ATXN7L1: variants seen among roughly 807,000 people sequenced by gnomAD.
ATXN7L1 encodes ataxin 7 like 1, also known as ataxin-7-like protein 1.
In ATXN7L1, 15 loss-of-function variants were observed where a neutral mutation model predicts 70.8. The ratio of observed to expected loss-of-function variants is 0.21; its 90% CI spans 0.14 to 0.33. ATXN7L1 has a LOEUF of 0.33. ATXN7L1 is among the 10% of genes least tolerant of loss of function. The probability of loss-of-function intolerance (pLI) is 1.00; values close to 1 mark genes in which losing one functional copy is unlikely to be tolerated. For missense variants in ATXN7L1, 975 were observed against 1,097.1 expected (o/e 0.89, Z 1.57); for synonymous variants, 440 against 445.1 (o/e 0.99, Z 0.14).
chr7:105,724,804 C>A (rs1316153169), intron 3 of ATXN7L1, among the ~76,000 whole-genome samples: 2 of 131,754 alleles, frequency 1.5e-5, no homozygotes, highest in African/African-American at 5.6e-5. Context: ...TGGTTCTAAA[C>A]CTTCTCTTAT....
chr7:105,875,545 G>A (rs190987060), intron 2 of ATXN7L1, among the ~76,000 whole-genome samples: 50 of 151,756 alleles, frequency 3.3e-4, no homozygotes, highest in African/African-American at 1.2e-3. Context: ...AAGGAGAATG[G>A]CAGATATGCA....
intron 5 of ATXN7L1, among the ~76,000 whole-genome samples, chr7:105,640,935 C>T (rs1798080842): frequency 6.6e-6 from 1 of 152,206 alleles, no homozygotes; most frequent in Admixed American, 6.5e-5. Flanking sequence ...CCTTAAGACC[C>T]TTGAATGGCT....
intron 2 of ATXN7L1, among the ~76,000 whole-genome samples, chr7:105,841,721 A>AT (rs1250816211): frequency 6.6e-6 from 1 of 152,148 alleles, no homozygotes; most frequent in African/African-American, 2.4e-5. Flanking sequence ...TAATTGTTCC[A>AT]TTTTGTTACT....
At chr7:105,798,159 G>A (rs1308741261) in intron 2 of ATXN7L1, among the ~76,000 whole-genome samples, 1 of 152,194 alleles carries the variant, frequency 6.6e-6, no homozygotes, top group African/African-American at 2.4e-5. Context: ...CATGATCCAG[G>A]TGAGCCGTCA....
At chr7:105,735,189 A>G (rs533100977) in intron 3 of ATXN7L1, among the ~76,000 whole-genome samples, 1 of 152,158 alleles carries the variant, frequency 6.6e-6, no homozygotes. Context: ...TAATAACAAC[A>G]TCTACAATAA....
chr7:105,686,315 A>G (rs1806181019), intron 3 of ATXN7L1, among the ~76,000 whole-genome samples: 1 of 152,216 alleles, frequency 6.6e-6, no homozygotes, highest in Admixed American at 6.5e-5. Context: ...CAGGAGTTCA[A>G]GACCAGCCTG....
intron 2 of ATXN7L1, among the ~76,000 whole-genome samples, chr7:105,836,951 G>T (rs529281605): frequency 1.3e-5 from 2 of 152,174 alleles, no homozygotes; most frequent in South Asian, 4.1e-4. Context: ...CCAGCTACTC[G>T]GGAGGCTGAG....
chr7:105,862,679 C>T (rs1420992482), intron 2 of ATXN7L1, among the ~76,000 whole-genome samples: 2 of 152,164 alleles, frequency 1.3e-5, no homozygotes, highest in African/African-American at 4.8e-5. Flanking sequence ...GAGGAAAGGA[C>T]TGTCAAGGAC....
intron 3 of ATXN7L1, among the ~76,000 whole-genome samples, chr7:105,779,252 T>C (rs2116459439): frequency 6.6e-6 from 1 of 152,352 alleles, no homozygotes; most frequent in Middle Eastern, 3.4e-3. Flanking sequence ...CGACCAGATA[T>C]CACCTTAGGG....
At chr7:105,812,157 G>A (rs1177111333) in intron 2 of ATXN7L1, among the ~76,000 whole-genome samples, 1 of 152,166 alleles carries the variant, frequency 6.6e-6, no homozygotes, top group Non-Finnish European at 1.5e-5. Context: ...CGGGGTTGAT[G>A]GGGATGTCTG....
In ATXN7L1 at chr7:105,785,465, A is replaced by C. The variant is rs535539535; in HGVS notation, c.355+3139T>G. 8.5e-5 allele frequency among the ~76,000 whole-genome samples: 13 copies of C among 152,308 alleles called. No individual in the cohort carries two copies. In the South Asian group the frequency reaches 2.7e-3, roughly 32 times the overall value. On this transcript the variant is annotated intron_variant, in intron 3 of 11. Coordinates refer to ENST00000419735, the MANE Select transcript of ATXN7L1 (RefSeq NM_020725.2). ...TGGATGACAGTCTGACTCAAAAAAAAACAAAACCCAAAAGACAAAACGAAA... is the reference window on the plus strand; with the variant it reads ...TGGATGACAGTCTGACTCAAAAAAACACAAAACCCAAAAGACAAAACGAAA...
At chr7:105,826,201 A>G (rs1350494839) in intron 2 of ATXN7L1, among the ~76,000 whole-genome samples, 1 of 152,220 alleles carries the variant, frequency 6.6e-6, no homozygotes, top group African/African-American at 2.4e-5. Context: ...TGGCTTTTAA[A>G]CTGTACATAT....
chr7:105,622,412 T>C (rs1026559413), intron 8 of ATXN7L1, among the ~76,000 whole-genome samples: 1 of 152,200 alleles, frequency 6.6e-6, no homozygotes, highest in Admixed American at 6.5e-5. Context: ...GATGCGAGGC[T>C]AGGCCCTGAG....
chr7:105,613,855 C>A lies in ATXN7L1; in HGVS notation c.2472+7G>T. 4 of 1,551,818 alleles carry A rather than the reference C, an allele frequency of 2.6e-6. No homozygotes were observed. The highest frequency in any genetic ancestry group is 1.7e-6 in the Non-Finnish European group (2 of 1,147,018). On this transcript the variant is annotated splice_region_variant and intron_variant, in intron 10 of 11. Transcript: ENST00000419735. ...GCCGGTGAAGGCGGTGCCAGGAGGT[C>A]CCTTACCTGCCGAGAGGAGGTGCTG...
intron 6 of ATXN7L1, 112 bp downstream of exon 6, chr7:105,639,375 C>G (rs1797849170): frequency 2.6e-6 from 2 of 775,592 alleles, no homozygotes; most frequent in African/African-American, 1.7e-5. Context: ...CAAAGAACAG[C>G]TGGGGGTCAT....
chr7:105,745,571 C>T (rs899776869), intron 3 of ATXN7L1, among the ~76,000 whole-genome samples: 3 of 152,272 alleles, frequency 2.0e-5, no homozygotes, highest in Admixed American at 6.5e-5. Flanking sequence ...CTGTTGTCAC[C>T]CAGCTGACCA....
intron 11 of ATXN7L1, among the ~76,000 whole-genome samples, chr7:105,608,529 C>T (rs1166032165): frequency 1.3e-5 from 2 of 152,048 alleles, no homozygotes; most frequent in African/African-American, 4.8e-5. Flanking sequence ...AGCAGGTGTA[C>T]CCGGAGCTAT....
At chr7:105,744,050 A>AGAGAG (rs1798301999) in intron 3 of ATXN7L1, among the ~76,000 whole-genome samples, 1 of 152,164 alleles carries the variant, frequency 6.6e-6, no homozygotes, top group Non-Finnish European at 1.5e-5. Context: ...TTCAATGCCC[A>AGAGAG]GTTCTCTCTC....
chr7:105,717,333 A>C (rs1438705529), intron 3 of ATXN7L1, among the ~76,000 whole-genome samples: 1 of 152,066 alleles, frequency 6.6e-6, no homozygotes, highest in Non-Finnish European at 1.5e-5. Flanking sequence ...TTGCCATGTT[A>C]GTCAGGCTGG....
Sources: allele counts gnomAD v4.1 joint callset (sites outside exome capture counted in the v4.1 genomes callset), GRCh38; gene constraint gnomAD v4.1.1; transcripts MANE v1.5; gene names NCBI Gene and HGNC (gene_info 2026-07-23, HGNC 2026-07-21).